Variants in TMEM154 observed in about 807,000 individuals in gnomAD.
TMEM154 encodes the protein transmembrane protein 154.
A neutral mutation model predicts 24.5 loss-of-function variants in TMEM154; 27 were observed. That is an observed-to-expected ratio of 1.10 (90% CI 0.81 to 1.52). The LOEUF (loss-of-function observed/expected upper bound fraction) is 1.52. Among genes scored for constraint, TMEM154 ranks in the 40% most tolerant of loss-of-function variants. The probability of loss-of-function intolerance (pLI) is 0.00; values close to 1 mark genes in which losing one functional copy is unlikely to be tolerated. For missense variants in TMEM154, 228 were observed against 213.4 expected (o/e 1.07, Z -0.43); for synonymous variants, 67 against 76.8 (o/e 0.87, Z 0.67).
intron 6 of TMEM154, among the ~76,000 whole-genome samples, chr4:152,630,198 G>C (rs987648469): frequency 6.7e-6 from 1 of 150,138 alleles, no homozygotes; most frequent in African/African-American, 2.4e-5. Flanking sequence ...TGTAGTCCCA[G>C]TTCCTCAGGA....
chr4:152,671,490 G>A (rs951534082), intron 1 of TMEM154, among the ~76,000 whole-genome samples: 2 of 152,024 alleles, frequency 1.3e-5, no homozygotes, highest in African/African-American at 4.8e-5. Context: ...GCTCACGCCT[G>A]TAATCCCAGC....
At chr4:152,629,868 G>A (rs1273892253) in intron 6 of TMEM154, among the ~76,000 whole-genome samples, 1 of 152,138 alleles carries the variant, frequency 6.6e-6, no homozygotes, top group Non-Finnish European at 1.5e-5. Context: ...TGGATGGATC[G>A]ATCCATGAAA....
At chr4:152,640,883 G>GCCCCCCC in intron 6 of TMEM154, 45 bp downstream of exon 6, 1 of 609,638 alleles carries the variant, frequency 1.6e-6, no homozygotes, top group Non-Finnish European at 3.0e-6. Flanking sequence ...CAATCCCCCC[G>GCCCCCCC]CCCCCCGCCA....
At chr4:152,652,339 C>A (rs6849505) in intron 3 of TMEM154, among the ~76,000 whole-genome samples, 199 bp downstream of exon 3, 1 of 148,082 alleles carries the variant, frequency 6.8e-6, no homozygotes, top group Admixed American at 6.7e-5. Flanking sequence ...ACAAGGCGTG[C>A]CTGTATTTTG....
chr4:152,634,031 C>CAAA (rs1167923301), intron 6 of TMEM154, among the ~76,000 whole-genome samples: 418 of 20,394 alleles, frequency 0.02, 26 homozygotes, highest in African/African-American at 0.052. Context: ...GACCCCATCT[C>CAAA]AAAAAAAAAA....
intron 1 of TMEM154, among the ~76,000 whole-genome samples, chr4:152,671,470 G>A (rs762863984): frequency 2.0e-5 from 3 of 152,060 alleles, no homozygotes; most frequent in East Asian, 1.9e-4. Context: ...AGCCTAGGCC[G>A]GGCGCGGTGG....
chr4:152,636,038 C>T (rs1238843421), intron 6 of TMEM154, among the ~76,000 whole-genome samples: 4 of 152,150 alleles, frequency 2.6e-5, no homozygotes, highest in Non-Finnish European at 4.4e-5. Context: ...AACCGTCTAA[C>T]TACAAATGCC....
intron 6 of TMEM154, among the ~76,000 whole-genome samples, chr4:152,629,154 A>C (rs868341346): frequency 1.3e-5 from 2 of 152,228 alleles, no homozygotes; most frequent in Admixed American, 6.5e-5. Context: ...AGCCCTCCCC[A>C]GTGCTGATGC....
intron 1 of TMEM154, among the ~76,000 whole-genome samples, chr4:152,665,238 G>A (rs1159507347): frequency 6.6e-6 from 1 of 152,178 alleles, no homozygotes; most frequent in African/African-American, 2.4e-5. Flanking sequence ...ATATTTAGGG[G>A]TAGAACCCAG....
intron 1 of TMEM154, chr4:152,669,054 T>C (rs1276711978): frequency 1.3e-5 from 2 of 152,226 alleles, no homozygotes; most frequent in Non-Finnish European, 2.9e-5. Context: ...AGTCTCACTC[T>C]CTTTGTCAAC....
intron 6 of TMEM154, among the ~76,000 whole-genome samples, chr4:152,635,431 C>G (rs1475160120): frequency 6.6e-6 from 1 of 152,194 alleles, no homozygotes; most frequent in African/African-American, 2.4e-5. Context: ...AGCCACTTAA[C>G]CTCTCTGAGT....
chr4:152,651,236 G>A lies in TMEM154; in HGVS notation c.364+1302C>T, dbSNP rs190167358. Reference sequence around the variant, plus strand: ...AGGGTTTCACCATGTTAGCCAGGCTGGTCTCAAACTCCTGACCTCAAATGA... The same window carrying A: ...AGGGTTTCACCATGTTAGCCAGGCTAGTCTCAAACTCCTGACCTCAAATGA... On this transcript the variant is annotated intron_variant, in intron 3 of 6. Transcript: ENST00000304385. Among the ~76,000 whole-genome samples, 13 of 150,304 alleles carry A rather than the reference G, an allele frequency of 8.6e-5. No homozygotes were observed. The East Asian group carries it at 2.3e-3, about 27-fold the overall frequency.
intron 6 of TMEM154, among the ~76,000 whole-genome samples, chr4:152,639,141 G>A (rs533953448): frequency 1.4e-3 from 211 of 152,158 alleles, no homozygotes; most frequent in Admixed American, 5.2e-3. Flanking sequence ...AGTAGAGATG[G>A]AGTTTTACCA....
intron 6 of TMEM154, among the ~76,000 whole-genome samples, chr4:152,634,921 T>C (rs1250553004): frequency 3.3e-5 from 5 of 152,210 alleles, no homozygotes; most frequent in African/African-American, 4.8e-5. Context: ...TAGATAAACA[T>C]TATAATTTGA....
intron 1 of TMEM154, among the ~76,000 whole-genome samples, chr4:152,679,535 T>TG (rs917119342): frequency 2.5e-4 from 13 of 52,722 alleles, no homozygotes; most frequent in Admixed American, 5.9e-4. Context: ...TTGAAGCTTT[T>TG]GTTTTTTTTT....
chr4:152,624,991 C>T lies in TMEM154; in HGVS notation c.*3555G>A, dbSNP rs1751894007. On this transcript the variant is annotated 3_prime_UTR_variant, in exon 7 of 7. Transcript: ENST00000304385. ...CAAGGAGGATTTCAGCAGTGTCTTC[C>T]CAGCATGAAACCATGTCTTATCACT... 6.6e-6 allele frequency: 1 copy of T among 152,164 alleles called. No homozygotes were observed. The highest frequency in any genetic ancestry group is 2.4e-5 in the African/African-American group (1 of 41,432). 9.4% of individuals were successfully genotyped at this position (152,164 alleles called of 1,614,324 possible). A position where few individuals can be genotyped will look rare whatever the true frequency, so the allele number is the denominator to read the frequency against.
chr4:152,676,952 T>C (rs1267203942), intron 1 of TMEM154, among the ~76,000 whole-genome samples: 1 of 152,226 alleles, frequency 6.6e-6, no homozygotes, highest in Non-Finnish European at 1.5e-5. Context: ...CCCATGCTTT[T>C]GGTATTTAGG....
intron 1 of TMEM154, chr4:152,669,414 G>T (rs1409258293): frequency 1.3e-5 from 2 of 152,100 alleles, no homozygotes; most frequent in East Asian, 3.9e-4. Flanking sequence ...TTGAGTATCA[G>T]ATAAACAATG....
intron 1 of TMEM154, among the ~76,000 whole-genome samples, chr4:152,671,746 CAAAAAA>C (rs10670541): frequency 4.5e-5 from 3 of 66,756 alleles, no homozygotes; most frequent in Admixed American, 4.7e-4. Flanking sequence ...GACTCCGTCT[CAAAAAA>C]AAAAAAAAAA....
Sources: gnomAD v4.1 joint callset for allele counts (sites outside exome capture counted in the v4.1 genomes callset) on GRCh38, gnomAD v4.1.1 for gene constraint, MANE v1.5 for transcripts, NCBI Gene and HGNC (gene_info 2026-07-23, HGNC 2026-07-21) for gene names.